RALB: variants seen among roughly 807,000 people sequenced by gnomAD.
RALB encodes the protein ras-related protein Ral-B.
Under a neutral mutation model 21.3 loss-of-function variants are expected in RALB, and 16 were observed. The observed-to-expected ratio is 0.75, with a 90% CI of 0.51 to 1.14. The LOEUF is 1.14. Among genes scored for constraint, RALB ranks in the 50% most tolerant of loss-of-function variants. The pLI is 0.00. For synonymous variants in RALB, 93 were observed against 96.1 expected, an observed-to-expected ratio of 0.97 and a Z score of 0.19; for missense variants, 161 against 256.2, an observed-to-expected ratio of 0.63 and a Z score of 2.54.
At chr2:120,288,764 C>T (rs1690234471) in intron 3 of RALB, among the ~76,000 whole-genome samples, 1 of 151,904 alleles carries the variant, frequency 6.6e-6, no homozygotes, top group Non-Finnish European at 1.5e-5. Flanking sequence ...AGTACTTTTC[C>T]ATAGGGCTTG....
intron 1 of RALB, among the ~76,000 whole-genome samples, chr2:120,278,064 T>A (rs1689886521): frequency 6.7e-6 from 1 of 150,098 alleles, no homozygotes; most frequent in Middle Eastern, 3.4e-3. Flanking sequence ...TGAGCGTGTG[T>A]GAGTGTGAGC....
chr2:120,262,196 C>T (rs569358959), intron 1 of RALB, among the ~76,000 whole-genome samples: 1 of 152,226 alleles, frequency 6.6e-6, no homozygotes, highest in South Asian at 2.1e-4. Flanking sequence ...AAGGCCAGGC[C>T]TCAAAGGTAT....
chr2:120,256,745 C>T (rs548988477), intron 1 of RALB, among the ~76,000 whole-genome samples: 7 of 152,176 alleles, frequency 4.6e-5, no homozygotes, highest in Non-Finnish European at 8.8e-5. Context: ...AGTGTCTAAT[C>T]TTGGAGATGG....
upstream of RALB, among the ~76,000 whole-genome samples, chr2:120,248,641 C>T (rs144572507): frequency 3.6e-4 from 55 of 152,304 alleles, no homozygotes; most frequent in African/African-American, 1.2e-3. Flanking sequence ...AATCTCCCCA[C>T]CACAGCCAGA....
chr2:120,277,021 T>C (rs1488932764), intron 1 of RALB, among the ~76,000 whole-genome samples: 1 of 152,230 alleles, frequency 6.6e-6, no homozygotes, highest in Non-Finnish European at 1.5e-5. Flanking sequence ...TACGGTAGAT[T>C]CCAGGTCCCT....
intron 3 of RALB, among the ~76,000 whole-genome samples, chr2:120,288,663 T>C (rs925545218): frequency 1.3e-5 from 2 of 152,206 alleles, no homozygotes; most frequent in Non-Finnish European, 2.9e-5. Context: ...TATTTAGTTT[T>C]GATTAGTACT....
At chr2:120,290,484 C>A (rs945174688) in intron 4 of RALB, among the ~76,000 whole-genome samples, 1 of 152,192 alleles carries the variant, frequency 6.6e-6, no homozygotes, top group Admixed American at 6.5e-5. Context: ...TTGAAAGATA[C>A]GTGGAGCTTC....
chr2:120,259,947 C>A (rs747190417), intron 1 of RALB, among the ~76,000 whole-genome samples: 1 of 152,202 alleles, frequency 6.6e-6, no homozygotes, highest in African/African-American at 2.4e-5. Context: ...GCCGGTGGGC[C>A]AGCACTGCTG....
chr2:120,288,370 A>ATAC lies in RALB; in HGVS notation c.324-1209_324-1207dup, dbSNP rs559901951. ...TTTTTTTTTGTTTTTTTTTTTGTAG[A>ATAC]TACAAGGTCTCCCTATGTTGCCCAG... On this transcript the variant is annotated intron_variant, in intron 3 of 4. Coordinates refer to ENST00000272519, the MANE Select transcript of RALB (RefSeq NM_002881.3). Among the ~76,000 whole-genome samples the ATAC allele has an allele frequency of 1.0e-4, 3 of 30,082 alleles. No homozygotes were observed. The South Asian group carries it at 2.4e-3, about 24-fold the overall frequency. The allele number at this position is 30,082 out of a possible 152,430, so 19.7% of individuals were successfully genotyped here. A position where few individuals can be genotyped will look rare whatever the true frequency, so the allele number is the denominator to read the frequency against.
At chr2:120,277,970 T>A (rs1023773606) in intron 1 of RALB, among the ~76,000 whole-genome samples, 9 of 148,840 alleles carry the variant, frequency 6.0e-5, no homozygotes, top group Non-Finnish European at 1.0e-4. Flanking sequence ...AGTGAATGTG[T>A]GTGAATAAGA....
chr2:120,279,954 T>G (rs4280461), intron 2 of RALB, among the ~76,000 whole-genome samples: 36,145 of 152,000 alleles, frequency 0.24, 6,708 homozygotes, highest in African/African-American at 0.52. Context: ...GTGGTATGTG[T>G]TGGTGTGGTT....
chr2:120,294,182 TCA>T lies in RALB; in HGVS notation c.*930_*931del. The T allele has an allele frequency of 2.5e-6, 1 of 398,584 alleles. No homozygotes were observed. Among genetic ancestry groups the T allele is most frequent in the East Asian group, 3.6e-5 (1 of 28,078 alleles). 24.7% of individuals were successfully genotyped at this position (398,584 alleles called of 1,614,324 possible). On this transcript the variant is annotated 3_prime_UTR_variant, in exon 5 of 5. Transcript: ENST00000272519. ...GGTCTAGTGAGCCTCTTGCTAAGTG[TCA>T]CACACACTCTTCCCAAAGACGTGAT...
At chr2:120,247,767 G>A (rs753963189) in intron 1 of RALB, among the ~76,000 whole-genome samples, 6 of 152,346 alleles carry the variant, frequency 3.9e-5, no homozygotes, top group South Asian at 4.1e-4. Context: ...GGGTTCCCGC[G>A]ACGCATTGCC....
chr2:120,285,783 G>C (rs1690117995), intron 2 of RALB, 91 bp from the exon 3 acceptor site: 3 of 985,814 alleles, frequency 3.0e-6, no homozygotes, highest in Non-Finnish European at 4.8e-6. Flanking sequence ...CCTGTTCATA[G>C]TGTGAAGTGC....
intron 1 of RALB, among the ~76,000 whole-genome samples, chr2:120,266,816 A>G (rs1393207360): frequency 6.6e-6 from 1 of 152,208 alleles, no homozygotes; most frequent in Non-Finnish European, 1.5e-5. Context: ...TCTACCAAAT[A>G]TTGAGCGTCC....
At chr2:120,288,072 C>A (rs1357934054) in intron 3 of RALB, among the ~76,000 whole-genome samples, 1 of 152,220 alleles carries the variant, frequency 6.6e-6, no homozygotes, top group African/African-American at 2.4e-5. Context: ...GAGACCAGAA[C>A]TTGGTACTCC....
In RALB at chr2:120,273,267, G is replaced by T. The variant is rs537190811; in HGVS notation, c.-47-5351G>T. On this transcript the variant is annotated intron_variant, in intron 1 of 4. Coordinates refer to ENST00000272519, the MANE Select transcript of RALB (RefSeq NM_002881.3). Reference sequence around the variant, plus strand: ...GGTTGGTTGGGGATGCAACTATAGGGGTGTAGAAAATGGTGCTTGTGCCCT... The same window carrying T: ...GGTTGGTTGGGGATGCAACTATAGGTGTGTAGAAAATGGTGCTTGTGCCCT... Among the ~76,000 whole-genome samples the T allele has an allele frequency of 7.8e-4, 118 of 151,718 alleles. 2 individuals carry two copies. The highest frequency in any genetic ancestry group is 3.4e-3 in the Middle Eastern group (1 of 294).
chr2:120,293,078 GA>G, intron 4 of RALB, 62 bp from the exon 5 acceptor site: 3 of 1,503,150 alleles, frequency 2.0e-6, no homozygotes, highest in Non-Finnish European at 2.7e-6. Flanking sequence ...GTTAACAAAA[GA>G]AAAAAATCAT....
intron 1 of RALB, among the ~76,000 whole-genome samples, chr2:120,257,635 C>A (rs1287452142): frequency 6.6e-6 from 1 of 152,200 alleles, no homozygotes; most frequent in African/African-American, 2.4e-5. Context: ...TCTTCCCAAT[C>A]CAGTTGAAGG....
Sources: gnomAD v4.1 joint callset for allele counts (sites outside exome capture counted in the v4.1 genomes callset) on GRCh38, gnomAD v4.1.1 for gene constraint, MANE v1.5 for transcripts, NCBI Gene and HGNC (gene_info 2026-07-23, HGNC 2026-07-21) for gene names.